Variants in EIPR1 observed in about 807,000 individuals in gnomAD.
EIPR1 encodes EARP complex and GARP complex interacting protein 1, also known as EARP and GARP complex-interacting protein 1.
Under a neutral mutation model 48.1 loss-of-function variants are expected in EIPR1, and 25 were observed. The observed-to-expected ratio is 0.52, with a 90% CI of 0.38 to 0.73. EIPR1 has a LOEUF of 0.73. Ranked by LOEUF, EIPR1 falls within the 30% of genes least tolerant of loss-of-function variation. The pLI, the probability that EIPR1 is intolerant of heterozygous loss-of-function variation, is 0.00. For synonymous variants in EIPR1, 204 were observed against 201.9 expected, an observed-to-expected ratio of 1.01 and a Z score of -0.09; for missense variants, 415 against 506.2, an observed-to-expected ratio of 0.82 and a Z score of 1.73.
intron 3 of EIPR1, among the ~76,000 whole-genome samples, chr2:3,283,925 G>A (rs1175213856): frequency 3.7e-5 from 5 of 133,890 alleles, no homozygotes; most frequent in African/African-American, 8.4e-5. Context: ...CAGCCTGGGT[G>A]ACAAAGCGAG....
rs189996773 is a variant in EIPR1 at position 3,349,895 on chromosome 2, G to A, written c.126+4655C>T. Among the ~76,000 whole-genome samples the A allele has an allele frequency of 8.5e-5, 13 of 152,264 alleles. No individual in the cohort carries two copies. The East Asian group carries it at 1.2e-3, about 14-fold the overall frequency. On this transcript the variant is annotated intron_variant, in intron 2 of 8. Transcript: ENST00000382125. Reference sequence around the variant, plus strand: ...TCCCAGCACTTTGGGAGGCCAAGGCGGGCAGATCACCTGAAGTCAGGAGTT... The same window carrying A: ...TCCCAGCACTTTGGGAGGCCAAGGCAGGCAGATCACCTGAAGTCAGGAGTT...
chr2:3,324,252 C>T (rs187556638), intron 3 of EIPR1, among the ~76,000 whole-genome samples: 1 of 152,332 alleles, frequency 6.6e-6, no homozygotes, highest in African/African-American at 2.4e-5. Flanking sequence ...GAGCGCAGGA[C>T]CCACCCGAGA....
At chr2:3,319,346 A>G in intron 3 of EIPR1, 1 of 225,746 alleles carries the variant, frequency 4.4e-6, no homozygotes, top group South Asian at 6.4e-5. Flanking sequence ...GGAAAAGGCC[A>G]ATGGCACAGA....
intron 2 of EIPR1, among the ~76,000 whole-genome samples, chr2:3,352,707 G>A (rs1670615145): frequency 6.6e-6 from 1 of 152,226 alleles, no homozygotes; most frequent in Non-Finnish European, 1.5e-5. Flanking sequence ...TCAAGAAAAA[G>A]GATGAGTGGC....
intron 1 of EIPR1, among the ~76,000 whole-genome samples, chr2:3,356,012 T>C (rs1670717042): frequency 6.6e-6 from 1 of 152,178 alleles, no homozygotes; most frequent in Admixed American, 6.5e-5. Context: ...GCGAGTGCTC[T>C]TGGGAACTAT....
intron 3 of EIPR1, among the ~76,000 whole-genome samples, chr2:3,278,077 C>T (rs1004295599): frequency 2.0e-5 from 3 of 152,204 alleles, no homozygotes; most frequent in African/African-American, 7.2e-5. Flanking sequence ...ACAGGAGGGT[C>T]TGCACCTGTG....
At chr2:3,345,616 CTCTG>C (rs1050131400) in intron 2 of EIPR1, among the ~76,000 whole-genome samples, 60 of 150,998 alleles carry the variant, frequency 4.0e-4, no homozygotes, top group African/African-American at 1.3e-3. Context: ...TAGAGCGAGA[CTCTG>C]TCTGGAAAAA....
intron 4 of EIPR1, among the ~76,000 whole-genome samples, chr2:3,242,561 C>T: frequency 6.6e-6 from 1 of 151,504 alleles, no homozygotes; most frequent in African/African-American, 2.4e-5. Context: ...CCTGACTCCA[C>T]ACCACACACC....
At position 3,214,212 on chromosome 2, in the gene EIPR1, G is replaced by C; in HGVS notation, c.453C>G (p.Ile151Met). The stretch of plus-strand genomic sequence containing the variant: ...GGATATGGTTATCAGCCAAGGAAAT[G>C]ATTTTCTTCCCATCTCCCATTGGCT... ...VWEPMGDGKKIISLADNHILL... is the reference protein window; with the variant it reads ...VWEPMGDGKKMISLADNHILL... Residue 151 changes from isoleucine to methionine, a missense_variant, in exon 5 of 9, where the codon ATC becomes ATG. Coordinates refer to ENST00000382125, the MANE Select transcript of EIPR1 (RefSeq NM_003310.5). The C allele has an allele frequency of 6.2e-7, 1 of 1,613,790 alleles. No individual in the cohort carries two copies. The highest frequency in any genetic ancestry group is 8.5e-7 in the Non-Finnish European group (1 of 1,179,864).
At chr2:3,208,830 T>A (rs764816265) in intron 5 of EIPR1, 5 of 1,550,112 alleles carry the variant, frequency 3.2e-6, no homozygotes, top group African/African-American at 2.7e-5. Flanking sequence ...CCGTGGCAGG[T>A]GCAGGTGTCT....
intron 3 of EIPR1, among the ~76,000 whole-genome samples, chr2:3,295,963 T>C (rs1572408738): frequency 1.3e-5 from 1 of 74,260 alleles, no homozygotes; most frequent in African/African-American, 5.4e-5. Flanking sequence ...ATCCAGCCCA[T>C]CCTCTCTCTG....
intron 1 of EIPR1, among the ~76,000 whole-genome samples, chr2:3,366,777 G>T (rs550264035): frequency 2.0e-5 from 3 of 152,292 alleles, no homozygotes; most frequent in East Asian, 1.9e-4. Context: ...TCAACTGGCC[G>T]GGCGCGGTGG....
rs1659946497 is a variant in EIPR1, at chr2:3,377,666, G to T, written c.24C>A (p.Ile8=). The T allele has an allele frequency of 6.3e-7, 1 of 1,581,306 alleles. No individual in the cohort carries two copies. The highest frequency in any genetic ancestry group is 8.6e-7 in the Non-Finnish European group (1 of 1,163,198). The change falls in exon 1 of 9, where the codon ATC becomes ATA. Residue 8 remains isoleucine (I), a synonymous_variant. Coordinates refer to ENST00000382125, the MANE Select transcript of EIPR1 (RefSeq NM_003310.5). The stretch of plus-strand genomic sequence containing the variant: ...GACCCACCTGGAACTCCAGCCCGTA[G>T]ATCACTGGTGCATCGTCCTCCATGC... MEDDAPV[I]YGLEFQARAL...
intron 3 of EIPR1, among the ~76,000 whole-genome samples, chr2:3,280,793 A>G (rs181720790): frequency 2.0e-5 from 3 of 152,014 alleles, no homozygotes; most frequent in Non-Finnish European, 4.4e-5. Context: ...CTTCCAGCGC[A>G]CTCAAGGAGA....
At chr2:3,193,970 C>T in intron 7 of EIPR1, 29 bp downstream of exon 7, 3 of 1,611,026 alleles carry the variant, frequency 1.9e-6, no homozygotes, top group Non-Finnish European at 2.5e-6. Flanking sequence ...TAATCCCCTC[C>T]TCCCTGAAGC....
At chr2:3,225,571 C>T (rs1666037714) in intron 4 of EIPR1, among the ~76,000 whole-genome samples, 1 of 152,214 alleles carries the variant, frequency 6.6e-6, no homozygotes, top group Non-Finnish European at 1.5e-5. Context: ...GATATGCACA[C>T]ACATTGTGAA....
chr2:3,340,455 A>G (rs1670204364), intron 2 of EIPR1, among the ~76,000 whole-genome samples: 1 of 152,240 alleles, frequency 6.6e-6, no homozygotes, highest in South Asian at 2.1e-4. Flanking sequence ...ACAGCTTCCA[A>G]TTACAAATCA....
At chr2:3,355,350 G>A (rs568636939) in intron 1 of EIPR1, among the ~76,000 whole-genome samples, 115 of 152,284 alleles carry the variant, frequency 7.6e-4, no homozygotes, top group Non-Finnish European at 1.4e-3. Flanking sequence ...ATGAGAATCA[G>A]ACCAACCTGC....
chr2:3,363,800 C>T (rs4449172), intron 1 of EIPR1, among the ~76,000 whole-genome samples: 22,922 of 105,490 alleles, frequency 0.22, 2,054 homozygotes, highest in Non-Finnish European at 0.29. Flanking sequence ...GACAACTCAA[C>T]AGCAAAAAAA....
Sources: allele counts gnomAD v4.1 joint callset (sites outside exome capture counted in the v4.1 genomes callset), GRCh38; gene constraint gnomAD v4.1.1; transcripts MANE v1.5; gene names NCBI Gene and HGNC (gene_info 2026-07-23, HGNC 2026-07-21).